ADCY1: variants seen among roughly 807,000 people sequenced by gnomAD.
The protein encoded by ADCY1 is adenylate cyclase 1.
ADCY1 carries 28 observed loss-of-function variants against 105.4 expected under a neutral mutation model. That is an observed-to-expected ratio of 0.27 (90% CI 0.20 to 0.36). The LOEUF (loss-of-function observed/expected upper bound fraction) is 0.36. Among genes scored for constraint, ADCY1 ranks in the 10% least tolerant of loss-of-function variants. The pLI is 1.00. For missense variants in ADCY1, 977 were observed against 1,434.2 expected (o/e 0.68, Z 5.15); for synonymous variants, 655 against 623.8 (o/e 1.05, Z -0.75).
chr7:45,712,153 T>C (rs1259053912), intron 19 of ADCY1, among the ~76,000 whole-genome samples: 1 of 141,180 alleles, frequency 7.1e-6, no homozygotes, highest in Non-Finnish European at 1.5e-5. Flanking sequence ...TTAAATTATT[T>C]TAAATTTTAA....
intron 11 of ADCY1, chr7:45,680,459 T>A (rs1784534724): frequency 6.6e-6 from 1 of 152,358 alleles, no homozygotes; most frequent in Admixed American, 6.5e-5. Flanking sequence ...TCCACCTTCA[T>A]TTCTAAACGA....
At position 45,626,565 on chromosome 7, in the gene ADCY1, C is replaced by T. The variant is rs80066750; in HGVS notation, c.1020+3822C>T. ...TGAATTCTGCCAGCTGAGAGCTCCA[C>T]GTGCCCACGAGGAGCACAGCAGAGA... On this transcript the variant is annotated intron_variant, in intron 4 of 19. Transcript: ENST00000297323. 1.1e-4 allele frequency among the ~76,000 whole-genome samples: 17 copies of T among 152,300 alleles called. No homozygotes were observed. In the South Asian group the frequency reaches 2.7e-3, roughly 24 times the overall value.
At chr7:45,646,626 C>G (rs537166075) in intron 4 of ADCY1, among the ~76,000 whole-genome samples, 1 of 152,338 alleles carries the variant, frequency 6.6e-6, no homozygotes, top group East Asian at 1.9e-4. Flanking sequence ...GGCCAAGCAG[C>G]CTGCCCTTGG....
In ADCY1 at chr7:45,649,407, A is replaced by G. The variant is rs147718590; in HGVS notation, c.1148+610A>G. ...AGGTGTGGAGCTGGAAGGCTGAGCT[A>G]ATGTATGGAGTGTAGATCCAAACAA... On this transcript the variant is annotated intron_variant, in intron 5 of 19. Coordinates refer to ENST00000297323, the MANE Select transcript of ADCY1 (RefSeq NM_021116.4). Among the ~76,000 whole-genome samples, 5 of 152,342 alleles carry G rather than the reference A, an allele frequency of 3.3e-5. No homozygotes were observed. In the East Asian group the frequency reaches 9.6e-4, roughly 29 times the overall value.
chr7:45,650,941 G>T (rs1794792790), intron 5 of ADCY1, among the ~76,000 whole-genome samples: 1 of 152,184 alleles, frequency 6.6e-6, no homozygotes. Flanking sequence ...CCATGAACCT[G>T]TGTCCTCTTG....
intron 1 of ADCY1, among the ~76,000 whole-genome samples, chr7:45,583,197 G>A (rs1792614817): frequency 6.6e-6 from 1 of 152,236 alleles, no homozygotes. Context: ...GTATGTCGGT[G>A]CATGCCCATG....
In ADCY1 at chr7:45,708,488, G is replaced by A. The variant is rs1466901131; in HGVS notation, c.2932+24G>A. The A allele has an allele frequency of 6.4e-7, 1 of 1,558,418 alleles. No homozygotes were observed. Among genetic ancestry groups the A allele is most frequent in the South Asian group, 1.1e-5 (1 of 89,684 alleles). ...TGGTATGTGGCTCTAAACCTATCCTGTCCATCCATGTGGAACACCTTCCTA... is the reference window on the plus strand; with the variant it reads ...TGGTATGTGGCTCTAAACCTATCCTATCCATCCATGTGGAACACCTTCCTA... On this transcript the variant is annotated intron_variant, in intron 18 of 19. Transcript: ENST00000297323. This position sits in a 1 kb window ranked among gnomAD's most constrained non-coding sequence, Gnocchi z 4.7.
At position 45,685,915 on chromosome 7, in the gene ADCY1, G is replaced by T. The variant is rs1313518328; in HGVS notation, c.2074-47G>T. The T allele has an allele frequency of 4.4e-6, 7 of 1,575,362 alleles. No individual in the cohort carries two copies. In the African/African-American group the frequency reaches 9.4e-5, roughly 21 times the overall value. ...ACCTGAGCATGCTTAGGGGCTGCAG[G>T]TCTTCACCTGCCCTTTGCTAAGCCC... On this transcript the variant is annotated intron_variant, in intron 12 of 19. Coordinates refer to ENST00000297323, the MANE Select transcript of ADCY1 (RefSeq NM_021116.4).
chr7:45,581,712 T>G (rs1468794791), intron 1 of ADCY1, among the ~76,000 whole-genome samples: 1 of 152,218 alleles, frequency 6.6e-6, no homozygotes, highest in Non-Finnish European at 1.5e-5. Flanking sequence ...CCTGAGGGGC[T>G]GAGCAAGGTA....
Position 45,686,510 on chromosome 7 carries a change from G to C in ADCY1, c.2328-37G>C, listed in dbSNP as rs749242713. On this transcript the variant is annotated intron_variant, in intron 13 of 19. Coordinates refer to ENST00000297323, the MANE Select transcript of ADCY1 (RefSeq NM_021116.4). This position sits in a 1 kb window ranked among gnomAD's most constrained non-coding sequence, Gnocchi z 4.3. ...TGGCAGAGTCTTGCCCTGGAAGCTC[G>C]GCACTGACTTGGCTTTTCTTCCTCA... The C allele has an allele frequency of 6.3e-7, 1 of 1,585,112 alleles. No homozygotes were observed. Among genetic ancestry groups the C allele is most frequent in the Non-Finnish European group, 8.6e-7 (1 of 1,163,322 alleles).
At chr7:45,590,143 A>G (rs1417518524) in intron 1 of ADCY1, among the ~76,000 whole-genome samples, 1 of 152,144 alleles carries the variant, frequency 6.6e-6, no homozygotes, top group African/African-American at 2.4e-5. Flanking sequence ...CTGCTAGCCC[A>G]CACGGAACAG....
At chr7:45,592,428 A>G (rs541367006) in intron 1 of ADCY1, among the ~76,000 whole-genome samples, 16 of 152,232 alleles carry the variant, frequency 1.1e-4, no homozygotes, top group Non-Finnish European at 1.5e-4. Context: ...CCTCATTTTA[A>G]CTTAATTGCC....
At chr7:45,587,619 T>C (rs1792769882) in intron 1 of ADCY1, among the ~76,000 whole-genome samples, 1 of 151,984 alleles carries the variant, frequency 6.6e-6, no homozygotes, top group Non-Finnish European at 1.5e-5. Flanking sequence ...TGGGATACTT[T>C]CTCCAAGGAC....
intron 5 of ADCY1, among the ~76,000 whole-genome samples, chr7:45,653,205 G>A (rs973722865): frequency 2.6e-5 from 4 of 152,204 alleles, no homozygotes; most frequent in Non-Finnish European, 5.9e-5. Flanking sequence ...CTGAAGAGCT[G>A]TGTGACCCTG....
At chr7:45,668,122 C>T (rs1784298321) in intron 8 of ADCY1, among the ~76,000 whole-genome samples, 3 of 152,294 alleles carry the variant, frequency 2.0e-5, no homozygotes, top group African/African-American at 7.2e-5. Flanking sequence ...CCCTTTATTT[C>T]CTTCTCCTGC....
At chr7:45,595,453 C>A (rs568854079) in intron 2 of ADCY1, among the ~76,000 whole-genome samples, 14 of 152,332 alleles carry the variant, frequency 9.2e-5, no homozygotes, top group African/African-American at 3.4e-4. Context: ...CTTGTCACCT[C>A]CTGTTTCCCC....
Position 45,686,452 on chromosome 7 carries a change from C to G in ADCY1, c.2328-95C>G, listed in dbSNP as rs1784675921. Reference sequence around the variant, plus strand: ...GCAAGCTGTTTTTGGGTGTCACCACCTGAGGGTCACTCTGAACAGTTCTTG... The same window carrying G: ...GCAAGCTGTTTTTGGGTGTCACCACGTGAGGGTCACTCTGAACAGTTCTTG... On this transcript the variant is annotated intron_variant, in intron 13 of 19. Transcript: ENST00000297323. This position sits in a 1 kb window ranked among gnomAD's most constrained non-coding sequence, Gnocchi z 4.3. 4.0e-6 allele frequency: 6 copies of G among 1,516,612 alleles called. No homozygotes were observed. The highest frequency in any genetic ancestry group is 5.3e-6 in the Non-Finnish European group (6 of 1,131,326). The allele number at this position is 1,516,612 out of a possible 1,614,324, so 93.9% of individuals were successfully genotyped here. A position where few individuals can be genotyped will look rare whatever the true frequency, so the allele number is the denominator to read the frequency against.
At chr7:45,610,740 GGA>G (rs1793520925) in intron 3 of ADCY1, among the ~76,000 whole-genome samples, 2 of 19,024 alleles carry the variant, frequency 1.1e-4, no homozygotes, top group African/African-American at 1.7e-4. Flanking sequence ...GTGGAGGTGG[GGA>G]GGTGATGATG....
In ADCY1 at chr7:45,707,423, C is replaced by T. The variant is rs899176579; in HGVS notation, c.2818-927C>T. On this transcript the variant is annotated intron_variant, in intron 17 of 19. Coordinates refer to ENST00000297323, the MANE Select transcript of ADCY1 (RefSeq NM_021116.4). ...AATACAATTGGCTACATAAACCAGT[C>T]TGAAAAGGTTACATACTGTATGATT... is the stretch of plus-strand genomic sequence containing the variant. Among the ~76,000 whole-genome samples the T allele has an allele frequency of 4.2e-4, 64 of 152,116 alleles. 1 individual carries two copies. The highest frequency in any genetic ancestry group is 1.5e-3 in the African/African-American group (62 of 41,400).
Sources: gnomAD v4.1 joint callset for allele counts (sites outside exome capture counted in the v4.1 genomes callset) on GRCh38, gnomAD v4.1.1 for gene constraint, Gnocchi (gnomAD v3.1) non-coding constraint, MANE v1.5 for transcripts, NCBI Gene and HGNC (gene_info 2026-07-23, HGNC 2026-07-21) for gene names.